The following CCSER1 variants were observed in gnomAD, a reference collection of about 807,000 sequenced individuals.
The protein encoded by CCSER1 is serine-rich coiled-coil domain-containing protein 1.
A neutral mutation model predicts 82.0 loss-of-function variants in CCSER1; 41 were observed. The observed-to-expected ratio is 0.50, with a 90% CI of 0.39 to 0.65. The LOEUF (loss-of-function observed/expected upper bound fraction) is 0.65, where lower values mean the gene tolerates loss of function less well. Ranked by LOEUF, CCSER1 falls within the 30% of genes least tolerant of loss-of-function variation. The probability of loss-of-function intolerance (pLI) is 0.00; values close to 1 mark genes in which losing one functional copy is unlikely to be tolerated. For missense variants in CCSER1, 1,119 were observed against 1,064.2 expected, an observed-to-expected ratio of 1.05 and a Z score of -0.72; for synonymous variants, 414 against 383.9, an observed-to-expected ratio of 1.08 and a Z score of -0.92.
chr4:91,186,088 G>C lies in CCSER1; in HGVS notation c.2217+100094G>C, dbSNP rs375241100. ...TGAATTCCTGCCTGAATAGAACTAA[G>C]AGCGATCGCTCGAGGCGCTGCTTGA... On this transcript the variant is annotated intron_variant, in intron 10 of 10. Coordinates refer to ENST00000509176, the MANE Select transcript of CCSER1 (RefSeq NM_001145065.2). Among the ~76,000 whole-genome samples, 499 of 152,234 alleles carry C rather than the reference G, an allele frequency of 3.3e-3. 1 individual carries two copies. The highest frequency in any genetic ancestry group is 0.011 in the African/African-American group (472 of 41,542).
intron 9 of CCSER1, 187 bp downstream of exon 9, chr4:90,923,634 A>G (rs2150251995): frequency 2.0e-6 from 1 of 497,838 alleles, no homozygotes; most frequent in Non-Finnish European, 3.6e-6. Flanking sequence ...ACAGGCACCA[A>G]CTGGCATACC....
chr4:90,979,209 T>C (rs1317359495), intron 9 of CCSER1, among the ~76,000 whole-genome samples: 1 of 151,430 alleles, frequency 6.6e-6, no homozygotes, highest in East Asian at 1.9e-4. Flanking sequence ...ATTTTAAATA[T>C]TTTTTAAAGC....
chr4:91,204,186 C>T (rs141631731), intron 10 of CCSER1, among the ~76,000 whole-genome samples: 46 of 151,850 alleles, frequency 3.0e-4, no homozygotes, highest in African/African-American at 9.4e-4. Context: ...CTGTCCTCAA[C>T]GGGGTGACTT....
At chr4:91,419,312 T>TC (rs1162037948) in intron 10 of CCSER1, among the ~76,000 whole-genome samples, 1 of 151,992 alleles carries the variant, frequency 6.6e-6, no homozygotes, top group Non-Finnish European at 1.5e-5. Flanking sequence ...AATGACATGA[T>TC]CTAATATATA....
At chr4:90,732,920 C>T (rs1745012180) in intron 7 of CCSER1, among the ~76,000 whole-genome samples, 1 of 152,116 alleles carries the variant, frequency 6.6e-6, no homozygotes, top group Non-Finnish European at 1.5e-5. Context: ...TTTTCTTAAT[C>T]CATTCATCTG....
intron 5 of CCSER1, among the ~76,000 whole-genome samples, chr4:90,588,494 C>A (rs1182046999): frequency 6.6e-6 from 1 of 152,184 alleles, no homozygotes; most frequent in Non-Finnish European, 1.5e-5. Context: ...CTTCTTTAGG[C>A]TCCACTTCTA....
intron 7 of CCSER1, chr4:90,724,759 G>T: frequency 3.4e-6 from 1 of 294,132 alleles, no homozygotes; most frequent in Non-Finnish European, 6.8e-6. Context: ...TTAAAGACGT[G>T]CACATTTTAA....
At chr4:90,475,189 A>G (rs544680175) in intron 5 of CCSER1, among the ~76,000 whole-genome samples, 45 of 152,274 alleles carry the variant, frequency 3.0e-4, no homozygotes, top group South Asian at 1.9e-3. Flanking sequence ...TTTACTAACA[A>G]TTTTCCTTCA....
intron 10 of CCSER1, among the ~76,000 whole-genome samples, chr4:91,494,317 AT>A (rs1262153305): frequency 6.6e-6 from 1 of 151,858 alleles, no homozygotes; most frequent in African/African-American, 2.4e-5. Flanking sequence ...ATCACATTTT[AT>A]CTATATTTTA....
intron 8 of CCSER1, among the ~76,000 whole-genome samples, chr4:90,817,655 GTTTAT>G (rs773962614): frequency 3.3e-5 from 5 of 151,906 alleles, no homozygotes; most frequent in Non-Finnish European, 2.9e-5. Flanking sequence ...AAAAAATATA[GTTTAT>G]TTTATTAATT....
At chr4:90,183,663 G>A (rs944810339) in intron 1 of CCSER1, among the ~76,000 whole-genome samples, 9 of 152,128 alleles carry the variant, frequency 5.9e-5, no homozygotes, top group African/African-American at 2.2e-4. Flanking sequence ...TCTGACTTGA[G>A]CTTTTTCTCT....
intron 4 of CCSER1, among the ~76,000 whole-genome samples, chr4:90,449,369 C>T (rs1761117602): frequency 6.6e-6 from 1 of 152,236 alleles, no homozygotes; most frequent in African/African-American, 2.4e-5. Context: ...TAAATTTTCA[C>T]TCCAGTTCAC....
chr4:91,249,688 C>G (rs1472856067), intron 10 of CCSER1, among the ~76,000 whole-genome samples: 1 of 151,954 alleles, frequency 6.6e-6, no homozygotes, highest in Non-Finnish European at 1.5e-5. Context: ...TTTCTGAGTC[C>G]TAAAGTTTGT....
chr4:91,146,178 A>C (rs1393805211), intron 10 of CCSER1, among the ~76,000 whole-genome samples: 4 of 152,118 alleles, frequency 2.6e-5, no homozygotes, highest in Non-Finnish European at 5.9e-5. Context: ...CTGGTCTTTG[A>C]GTTCTTAAAT....
intron 10 of CCSER1, among the ~76,000 whole-genome samples, chr4:91,487,557 T>C (rs889911635): frequency 2.6e-5 from 4 of 152,180 alleles, no homozygotes; most frequent in Non-Finnish European, 4.4e-5. Flanking sequence ...ATTAACCAGA[T>C]GGTTATTTGC....
chr4:91,059,321 T>C (rs923375578), intron 9 of CCSER1, among the ~76,000 whole-genome samples: 4 of 150,404 alleles, frequency 2.7e-5, no homozygotes, highest in East Asian at 3.9e-4. Context: ...TATATATATA[T>C]ACATATAGTG....
At chr4:91,230,455 TA>T (rs139605232) in intron 10 of CCSER1, among the ~76,000 whole-genome samples, 8,087 of 152,056 alleles carry the variant, frequency 0.053, 283 homozygotes, top group African/African-American at 0.1. Flanking sequence ...TATGCTCAAC[TA>T]AAAACAAGTG....
Position 90,308,528 on chromosome 4 carries a change from C to T in CCSER1, c.244C>T (p.Pro82Ser), listed in dbSNP as rs370619679. Reference protein sequence around the residue: ...HKKGSEPKQEPTNQNLSISNG... With the variant: ...HKKGSEPKQESTNQNLSISNG... Reference sequence around the variant, plus strand: ...GAAGGGGAGTGAGCCTAAGCAAGAGCCTACCAACCAGAACCTTAGTATTTC... The same window carrying T: ...GAAGGGGAGTGAGCCTAAGCAAGAGTCTACCAACCAGAACCTTAGTATTTC... The change falls in exon 2 of 11, where the codon CCT (proline) becomes TCT (serine). Residue 82 changes from proline (P) to serine (S), a missense_variant. Pro to Ser is a moderately conservative substitution (Grantham distance 74). Coordinates refer to ENST00000509176, the MANE Select transcript of CCSER1 (RefSeq NM_001145065.2). 1.2e-6 allele frequency: 2 copies of T among 1,613,772 alleles called. No individual in the cohort carries two copies. Among genetic ancestry groups the T allele is most frequent in the Non-Finnish European group, 1.7e-6 (2 of 1,179,860 alleles).
At chr4:90,876,542 A>T (rs1369572331) in intron 8 of CCSER1, among the ~76,000 whole-genome samples, 2 of 152,122 alleles carry the variant, frequency 1.3e-5, no homozygotes, top group African/African-American at 4.8e-5. Context: ...ACAAAATGAG[A>T]ACCCAAATAT....
Sources: allele counts gnomAD v4.1 joint callset (sites outside exome capture counted in the v4.1 genomes callset), GRCh38; gene constraint gnomAD v4.1.1; transcripts MANE v1.5; gene names NCBI Gene and HGNC (gene_info 2026-07-23, HGNC 2026-07-21).